Variants in VPS54 observed in about 807,000 individuals in gnomAD.
The protein encoded by VPS54 is VPS54 subunit of GARP complex.
Under a neutral mutation model 121.5 loss-of-function variants are expected in VPS54, and 45 were observed. The observed-to-expected ratio is 0.37, with a 90% CI of 0.29 to 0.47. The LOEUF (loss-of-function observed/expected upper bound fraction) is 0.47. VPS54 is among the 20% of genes least tolerant of loss of function. The probability of loss-of-function intolerance (pLI) is 0.99; values close to 1 mark genes in which losing one functional copy is unlikely to be tolerated. For synonymous variants in VPS54, 371 were observed against 385.8 expected (o/e 0.96, Z 0.45); for missense variants, 1,090 against 1,131.4 (o/e 0.96, Z 0.52).
intron 6 of VPS54, among the ~76,000 whole-genome samples, chr2:63,963,264 TA>T (rs915978349): frequency 4.6e-5 from 7 of 152,116 alleles, no homozygotes; most frequent in African/African-American, 1.4e-4. Flanking sequence ...AGCTCATATA[TA>T]TTTTTTTAGT....
At chr2:63,987,862 G>A (rs1160628711) in intron 1 of VPS54, among the ~76,000 whole-genome samples, 1 of 152,004 alleles carries the variant, frequency 6.6e-6, no homozygotes, top group East Asian at 1.9e-4. Flanking sequence ...ACTGATTTTT[G>A]TATGCTGATT....
chr2:63,926,329 T>G (rs1435435766), intron 12 of VPS54, among the ~76,000 whole-genome samples: 1 of 152,206 alleles, frequency 6.6e-6, no homozygotes, highest in Admixed American at 6.5e-5. Context: ...AGTTTTAGAC[T>G]GCACCCTAAC....
Position 63,965,986 on chromosome 2 carries a change from C to T in VPS54, c.493-20G>A. On this transcript the variant is annotated intron_variant, in intron 5 of 22. Coordinates refer to ENST00000272322, the MANE Select transcript of VPS54 (RefSeq NM_016516.3). ...AAAAATCTATTAAAAAAATGCATTT[C>T]CCTCAATTAGATAAGTATTTTCTTT... The T allele has an allele frequency of 2.5e-6, 4 of 1,598,302 alleles. No individual in the cohort carries two copies. Among genetic ancestry groups the T allele is most frequent in the Non-Finnish European group, 3.4e-6 (4 of 1,174,754 alleles).
chr2:64,013,698 TAGAG>T (rs1227332863), intron 1 of VPS54, among the ~76,000 whole-genome samples: 4 of 146,770 alleles, frequency 2.7e-5, no homozygotes, highest in East Asian at 1.9e-4. Flanking sequence ...ATCACATATA[TAGAG>T]ATATATATAT....
At chr2:63,993,513 ATTCT>A (rs1301764256) in intron 1 of VPS54, among the ~76,000 whole-genome samples, 1 of 152,062 alleles carries the variant, frequency 6.6e-6, no homozygotes, top group African/African-American at 2.4e-5. Context: ...TTTCTTCCTC[ATTCT>A]GTGTCAAAAA....
chr2:63,907,028 T>C (rs893597566), intron 20 of VPS54, among the ~76,000 whole-genome samples: 2 of 152,166 alleles, frequency 1.3e-5, no homozygotes, highest in Admixed American at 1.3e-4. Context: ...AAACAGTTGA[T>C]TTTTAACAAA....
Position 63,989,131 on chromosome 2 carries a change from T to TA in VPS54, c.-20-5113dup, listed in dbSNP as rs772833285. Among the ~76,000 whole-genome samples the TA allele has an allele frequency of 6.6e-5, 10 of 152,262 alleles. No individual in the cohort carries two copies. The East Asian group carries it at 1.9e-3, about 29-fold the overall frequency. The stretch of plus-strand genomic sequence containing the variant: ...TTAGGATTAGGAAATTCCTGCCTAG[T>TA]AAATTGTAGTCAGACCGGCTATCTT... On this transcript the variant is annotated intron_variant, in intron 1 of 22. Coordinates refer to ENST00000272322, the MANE Select transcript of VPS54 (RefSeq NM_016516.3).
chr2:63,998,770 TTA>T (rs750365010), intron 1 of VPS54, among the ~76,000 whole-genome samples: 17 of 152,204 alleles, frequency 1.1e-4, no homozygotes, highest in African/African-American at 2.6e-4. Context: ...CTTGAAAAAA[TTA>T]TAGTTATAAT....
intron 7 of VPS54, among the ~76,000 whole-genome samples, chr2:63,953,928 A>T (rs1046870623): frequency 6.6e-6 from 1 of 152,220 alleles, no homozygotes; most frequent in Non-Finnish European, 1.5e-5. Context: ...CAACATACAC[A>T]GATTGTCTCA....
chr2:63,893,680 A>T, intron 22 of VPS54, 145 bp from the exon 23 acceptor site: 1 of 663,472 alleles, frequency 1.5e-6, no homozygotes, highest in Non-Finnish European at 2.5e-6. Flanking sequence ...ACTTAGCAGG[A>T]TTCCTGCTAT....
intron 3 of VPS54, among the ~76,000 whole-genome samples, chr2:63,977,711 T>C (rs1054738542): frequency 6.6e-6 from 1 of 152,242 alleles, no homozygotes; most frequent in Non-Finnish European, 1.5e-5. Context: ...CTGATTCTGA[T>C]ACTTGATCTG....
At chr2:64,005,499 T>C (rs1012680476) in intron 1 of VPS54, among the ~76,000 whole-genome samples, 4 of 152,194 alleles carry the variant, frequency 2.6e-5, no homozygotes, top group African/African-American at 9.7e-5. Flanking sequence ...GAATGTGATA[T>C]GAGAATACCT....
At chr2:63,961,014 A>G (rs1675744040) in intron 7 of VPS54, among the ~76,000 whole-genome samples, 1 of 152,232 alleles carries the variant, frequency 6.6e-6, no homozygotes, top group African/African-American at 2.4e-5. Context: ...CCCTAAGGTC[A>G]GAGCTCCACA....
intron 11 of VPS54, among the ~76,000 whole-genome samples, chr2:63,941,773 A>C (rs1674741543): frequency 6.6e-6 from 1 of 152,120 alleles, no homozygotes; most frequent in African/African-American, 2.4e-5. Context: ...AGTGGCTCAC[A>C]CCTATATCTC....
intron 4 of VPS54, among the ~76,000 whole-genome samples, chr2:63,970,313 A>ATATATAGATATATATATATATATAT (rs1312969372): frequency 1.3e-5 from 2 of 148,292 alleles, no homozygotes; most frequent in Admixed American, 6.8e-5. Flanking sequence ...AGATATAGAT[A>ATATATAGATATATATATATATATAT]AAACCCAGGC....
intron 11 of VPS54, among the ~76,000 whole-genome samples, chr2:63,936,392 G>C (rs532890111): frequency 1.4e-4 from 21 of 152,060 alleles, no homozygotes; most frequent in Non-Finnish European, 3.1e-4. Flanking sequence ...TTTACTTTCT[G>C]AACTATTACA....
chr2:63,898,943 A>G (rs971388908), intron 21 of VPS54, among the ~76,000 whole-genome samples: 1 of 152,180 alleles, frequency 6.6e-6, no homozygotes, highest in African/African-American at 2.4e-5. Flanking sequence ...AAGGGTGGAT[A>G]CTTCATAGCT....
chr2:63,952,055 C>T (rs991323835), intron 7 of VPS54, among the ~76,000 whole-genome samples: 2 of 152,142 alleles, frequency 1.3e-5, no homozygotes, highest in African/African-American at 2.4e-5. Context: ...CTGCGCTAGG[C>T]CCTGTTCTGG....
chr2:63,942,642 A>G, intron 10 of VPS54, 81 bp from the exon 11 acceptor site: 2 of 1,156,796 alleles, frequency 1.7e-6, no homozygotes, highest in South Asian at 1.5e-5. Context: ...AAGAAATGAG[A>G]CTAAATACTA....
Sources: allele counts gnomAD v4.1 joint callset (sites outside exome capture counted in the v4.1 genomes callset), GRCh38; gene constraint gnomAD v4.1.1; transcripts MANE v1.5; gene names NCBI Gene and HGNC (gene_info 2026-07-23, HGNC 2026-07-21).